CYTH1: variants seen among roughly 807,000 people sequenced by gnomAD.
CYTH1 encodes the protein cytohesin-1.
A neutral mutation model predicts 61.8 loss-of-function variants in CYTH1; 18 were observed. That is an observed-to-expected ratio of 0.29 (90% CI 0.20 to 0.43). CYTH1 has a LOEUF of 0.43. CYTH1 is among the 20% of genes least tolerant of loss of function. CYTH1 has a pLI of 1.00. For missense variants in CYTH1, 336 were observed against 510.5 expected, an observed-to-expected ratio of 0.66 and a Z score of 3.29; for synonymous variants, 174 against 184.3, an observed-to-expected ratio of 0.94 and a Z score of 0.45.
chr17:78,761,042 G>A (rs1434243775), intron 1 of CYTH1, among the ~76,000 whole-genome samples: 1 of 151,846 alleles, frequency 6.6e-6, no homozygotes, highest in Non-Finnish European at 1.5e-5. Context: ...CAACATGTTG[G>A]TCAGGCTGGT....
rs927917617 is a variant in CYTH1, at chr17:78,700,845, A to C, written c.438-402T>G. Among the ~76,000 whole-genome samples the C allele has an allele frequency of 3.9e-5, 6 of 152,088 alleles. No individual in the cohort carries two copies. The highest frequency in any genetic ancestry group is 7.2e-5 in the African/African-American group (3 of 41,416). On this transcript the variant is annotated intron_variant, in intron 6 of 13. Transcript: ENST00000446868. This position sits in a 1 kb window ranked among gnomAD's most constrained non-coding sequence, Gnocchi z 5.1. Reference sequence around the variant, plus strand: ...TGACCACTGCCAATGATTTTTTAACATCAAAGTGCAAAGGGAACCCTGCTG... The same window carrying C: ...TGACCACTGCCAATGATTTTTTAACCTCAAAGTGCAAAGGGAACCCTGCTG...
At position 78,700,516 on chromosome 17, in the gene CYTH1, AAT is replaced by A. The variant is rs2092997132; in HGVS notation, c.438-75_438-74del. On this transcript the variant is annotated intron_variant, in intron 6 of 13. Coordinates refer to ENST00000446868, the MANE Select transcript of CYTH1 (RefSeq NM_004762.6). The surrounding 1 kb of genome is among the most constrained non-coding windows in gnomAD (Gnocchi z 5.1). ...TTTCTCTATGAATTGTTAAACTGCCAATGATTTTTTTTTTCTTTTTTTTTTTG... is the reference window on the plus strand; with the variant it reads ...TTTCTCTATGAATTGTTAAACTGCCAGATTTTTTTTTTCTTTTTTTTTTTG... 1 of 1,239,892 alleles carries A rather than the reference AAT, an allele frequency of 8.1e-7. No individual in the cohort carries two copies. Among genetic ancestry groups the A allele is most frequent in the Non-Finnish European group, 1.1e-6 (1 of 894,578 alleles). The allele number at this position is 1,239,892 out of a possible 1,614,324, so 76.8% of individuals were successfully genotyped here. A position where few individuals can be genotyped will look rare whatever the true frequency, so the allele number is the denominator to read the frequency against.
At chr17:78,681,624 T>TACAGAGGGCACGGCACCG (rs1171320955) in intron 11 of CYTH1, among the ~76,000 whole-genome samples, 1 of 152,200 alleles carries the variant, frequency 6.6e-6, no homozygotes, top group Non-Finnish European at 1.5e-5. Flanking sequence ...CCATCTCATC[T>TACAGAGGGCACGGCACCG]ACAGAGGGCA....
chr17:78,705,703 C>G (rs563757753), intron 3 of CYTH1, among the ~76,000 whole-genome samples: 1 of 152,150 alleles, frequency 6.6e-6, no homozygotes, highest in Non-Finnish European at 1.5e-5. Context: ...TGCAGAATCA[C>G]TTCCGTCTTG....
chr17:78,721,232 G>C (rs539911995), intron 1 of CYTH1, among the ~76,000 whole-genome samples: 5 of 152,188 alleles, frequency 3.3e-5, no homozygotes, highest in African/African-American at 9.6e-5. Context: ...TGGGAGGCTG[G>C]GGCAAGAAAA....
At chr17:78,687,730 C>T (rs147387319) in intron 11 of CYTH1, among the ~76,000 whole-genome samples, 93 of 152,292 alleles carry the variant, frequency 6.1e-4, no homozygotes, top group African/African-American at 1.9e-3. Flanking sequence ...CTTGATCTGC[C>T]GACTGGGACA....
chr17:78,732,485 G>A (rs1471442221), intron 1 of CYTH1, among the ~76,000 whole-genome samples: 1 of 152,156 alleles, frequency 6.6e-6, no homozygotes. Context: ...ATTCATCTCT[G>A]GTGTACTCAA....
intron 9 of CYTH1, 132 bp downstream of exon 9, chr17:78,698,137 A>G: frequency 1.3e-6 from 1 of 763,646 alleles, no homozygotes; most frequent in Non-Finnish European, 2.3e-6. Context: ...GCGCGTGCAC[A>G]CACACGCACG....
chr17:78,757,784 A>T (rs1223164692), intron 1 of CYTH1, among the ~76,000 whole-genome samples: 1 of 151,898 alleles, frequency 6.6e-6, no homozygotes, highest in Non-Finnish European at 1.5e-5. Context: ...TACAAAAAAA[A>T]TTAGCCAGGC....
chr17:78,735,111 C>T (rs776854956), intron 1 of CYTH1, among the ~76,000 whole-genome samples: 3 of 152,182 alleles, frequency 2.0e-5, no homozygotes, highest in South Asian at 4.1e-4. Context: ...GTAAGGGAAG[C>T]GAAGAAGCAC....
At chr17:78,741,184 T>C (rs537989021) in intron 1 of CYTH1, among the ~76,000 whole-genome samples, 1 of 152,314 alleles carries the variant, frequency 6.6e-6, no homozygotes, top group Admixed American at 6.5e-5. Context: ...GATTTTAGCC[T>C]CACCCCCTCC....
At chr17:78,740,727 A>G (rs2093338842) in intron 1 of CYTH1, among the ~76,000 whole-genome samples, 1 of 152,238 alleles carries the variant, frequency 6.6e-6, no homozygotes, top group Admixed American at 6.5e-5. Flanking sequence ...CCATATTGAG[A>G]TATTTTTGAG....
At chr17:78,701,508 C>T (rs1226354499) in intron 6 of CYTH1, among the ~76,000 whole-genome samples, 163 bp downstream of exon 6, 1 of 152,218 alleles carries the variant, frequency 6.6e-6, no homozygotes, top group Non-Finnish European at 1.5e-5. Context: ...ACCATCCAGT[C>T]ATTCCCAGTC....
chr17:78,750,889 C>T (rs1177369129), intron 1 of CYTH1, among the ~76,000 whole-genome samples: 3 of 152,012 alleles, frequency 2.0e-5, no homozygotes, highest in Non-Finnish European at 4.4e-5. Flanking sequence ...AGGTTAGGTT[C>T]CTACAGACCT....
chr17:78,778,595 G>A lies in CYTH1; in HGVS notation c.22+3607C>T, dbSNP rs376326375. ...AGAGGTTGCAGTGAACCAAGATTGC[G>A]TCACTGCATTCCAGCCTGGGCAACA... On this transcript the variant is annotated intron_variant, in intron 1 of 13. Coordinates refer to ENST00000446868, the MANE Select transcript of CYTH1 (RefSeq NM_004762.6). Among the ~76,000 whole-genome samples the A allele has an allele frequency of 1.0e-4, 14 of 135,378 alleles. 1 individual carries two copies. The East Asian group carries it at 1.5e-3, about 15-fold the overall frequency. The allele number at this position is 135,378 out of a possible 152,430, so 88.8% of individuals were successfully genotyped here. A position where few individuals can be genotyped will look rare whatever the true frequency, so the allele number is the denominator to read the frequency against.
intron 13 of CYTH1, chr17:78,677,038 G>A (rs2143949944): frequency 2.2e-6 from 1 of 456,080 alleles, no homozygotes; most frequent in Admixed American, 2.3e-5. Context: ...GCTCTCCTGG[G>A]CTGACCTGGA....
rs765084883 is a variant in CYTH1 at position 78,681,029 on chromosome 17, C to T, written c.905G>A (p.Arg302His). 6.2e-7 allele frequency: 1 copy of T among 1,614,052 alleles called. No individual in the cohort carries two copies. Among genetic ancestry groups the T allele is most frequent in the Non-Finnish European group, 8.5e-7 (1 of 1,179,984 alleles). The change falls in exon 12 of 14, where the codon CGT becomes CAT. Residue 302 changes from arginine to histidine, a missense_variant. Transcript: ENST00000446868. The part of the protein sequence containing the change: ...YFEYTTDKEP[R>H]GIIPLENLSI... The stretch of plus-strand genomic sequence containing the variant: ...CAGATTCTCTAAAGGGATGATTCCA[C>T]GGGGCTCCTTATCCTACAGAACAGT...
intron 1 of CYTH1, among the ~76,000 whole-genome samples, chr17:78,762,659 T>C (rs1003295149): frequency 1.3e-5 from 2 of 152,156 alleles, no homozygotes; most frequent in Admixed American, 6.5e-5. Context: ...GAGATTATCC[T>C]AGAGTATCCA....
chr17:78,678,126 C>T (rs995739125), intron 13 of CYTH1: 1 of 152,306 alleles, frequency 6.6e-6, no homozygotes, highest in Non-Finnish European at 1.5e-5. Context: ...CAGAGGAGTC[C>T]AGCAAGCCCA....
Sources: gnomAD v4.1 joint callset for allele counts (sites outside exome capture counted in the v4.1 genomes callset) on GRCh38, gnomAD v4.1.1 for gene constraint, Gnocchi (gnomAD v3.1) non-coding constraint, MANE v1.5 for transcripts, NCBI Gene and HGNC (gene_info 2026-07-23, HGNC 2026-07-21) for gene names.